CTNNA3: variants seen among roughly 807,000 people sequenced by gnomAD.
CTNNA3 encodes the protein catenin alpha-3.
Under a neutral mutation model 95.7 loss-of-function variants are expected in CTNNA3, and 76 were observed. The ratio of observed to expected loss-of-function variants is 0.79; its 90% CI spans 0.66 to 0.96. The LOEUF (loss-of-function observed/expected upper bound fraction) is 0.96. Ranked by LOEUF, CTNNA3 falls within the 40% of genes least tolerant of loss-of-function variation. CTNNA3 has a pLI of 0.00. For synonymous variants in CTNNA3, 431 were observed against 374.4 expected (o/e 1.15, Z -1.74); for missense variants, 1,191 against 1,089.8 (o/e 1.09, Z -1.31).
At chr10:67,508,604 T>C (rs182102941) in intron 5 of CTNNA3, among the ~76,000 whole-genome samples, 1 of 152,300 alleles carries the variant, frequency 6.6e-6, no homozygotes, top group Admixed American at 6.5e-5. Flanking sequence ...TTTCACAATT[T>C]TTTTAAATAT....
chr10:67,732,017 T>G (rs1589584124), intron 1 of CTNNA3, among the ~76,000 whole-genome samples: 1 of 151,976 alleles, frequency 6.6e-6, no homozygotes, highest in Middle Eastern at 3.4e-3. Context: ...CCTAACCTTA[T>G]GATCCACCCA....
At chr10:67,352,206 A>G (rs1842662366) in intron 5 of CTNNA3, among the ~76,000 whole-genome samples, 1 of 151,988 alleles carries the variant, frequency 6.6e-6, no homozygotes, top group Non-Finnish European at 1.5e-5. Context: ...TCTAACAAAA[A>G]GCACATCAAC....
chr10:67,213,588 C>T (rs1864229799), intron 6 of CTNNA3, among the ~76,000 whole-genome samples: 1 of 151,634 alleles, frequency 6.6e-6, no homozygotes, highest in Non-Finnish European at 1.5e-5. Context: ...GAGAAATTTC[C>T]TTCTATGTAC....
intron 15 of CTNNA3, among the ~76,000 whole-genome samples, chr10:66,033,470 T>G (rs1474000469): frequency 6.6e-6 from 1 of 152,104 alleles, no homozygotes; most frequent in Non-Finnish European, 1.5e-5. Flanking sequence ...AAACCTTTTT[T>G]TTAAAATGCA....
chr10:66,396,503 A>C (rs904632419), intron 11 of CTNNA3, among the ~76,000 whole-genome samples: 1 of 152,074 alleles, frequency 6.6e-6, no homozygotes, highest in Non-Finnish European at 1.5e-5. Context: ...ATCCACATGA[A>C]AGTGACACCT....
At chr10:66,210,785 T>C (rs945050632) in intron 13 of CTNNA3, among the ~76,000 whole-genome samples, 1 of 152,226 alleles carries the variant, frequency 6.6e-6, no homozygotes, top group African/African-American at 2.4e-5. Context: ...ATATAAAGTT[T>C]ACAAAATAAT....
intron 1 of CTNNA3, chr10:67,751,291 T>A: frequency 1.0e-6 from 1 of 985,562 alleles, no homozygotes; most frequent in Non-Finnish European, 1.6e-6. Flanking sequence ...AAGTGTGACA[T>A]CTCCACTCAA....
At chr10:67,378,736 T>C (rs1250707004) in intron 5 of CTNNA3, among the ~76,000 whole-genome samples, 2 of 152,186 alleles carry the variant, frequency 1.3e-5, no homozygotes, top group South Asian at 2.1e-4. Flanking sequence ...CAGGATTTCA[T>C]TCTTTTTATG....
intron 2 of CTNNA3, among the ~76,000 whole-genome samples, chr10:67,634,733 G>A (rs2059772191): frequency 6.6e-6 from 1 of 152,028 alleles, no homozygotes; most frequent in South Asian, 2.1e-4. Context: ...GACAAAGAAG[G>A]GCATTACATA....
rs1021669554 is a variant in CTNNA3, at chr10:67,656,880, A to G, written c.-5-9362T>C. ...CAGAAAGGTATGGAGGCTGCAGATC[A>G]TAAGAACTATTGCAGATGTTTGAGC... On this transcript the variant is annotated intron_variant, in intron 1 of 17. Transcript: ENST00000433211. Among the ~76,000 whole-genome samples the G allele has an allele frequency of 4.5e-4, 68 of 152,228 alleles. 4 individuals are homozygous for G. Among genetic ancestry groups the G allele is most frequent in the Non-Finnish European group, 7.3e-5 (5 of 68,044 alleles).
At chr10:67,740,559 T>G (rs992159090) in intron 1 of CTNNA3, among the ~76,000 whole-genome samples, 1 of 151,164 alleles carries the variant, frequency 6.6e-6, no homozygotes, top group African/African-American at 2.4e-5. Flanking sequence ...TATGAAAAAA[T>G]GCTCACCATC....
chr10:67,423,610 A>G (rs1451463591), intron 5 of CTNNA3, among the ~76,000 whole-genome samples: 1 of 152,182 alleles, frequency 6.6e-6, no homozygotes, highest in Admixed American at 6.6e-5. Context: ...GAACTAGAAT[A>G]TTCATTTTAT....
intron 1 of CTNNA3, among the ~76,000 whole-genome samples, chr10:67,651,515 T>C (rs979112040): frequency 2.4e-4 from 36 of 152,356 alleles, no homozygotes; most frequent in South Asian, 4.1e-4. Flanking sequence ...TAGAATTCCC[T>C]ATTAAGTCAT....
chr10:67,721,393 T>C (rs1383722401), intron 1 of CTNNA3, among the ~76,000 whole-genome samples: 1 of 152,122 alleles, frequency 6.6e-6, no homozygotes, highest in East Asian at 1.9e-4. Flanking sequence ...CTTCACGCTT[T>C]ATTTCATTAA....
Position 66,933,229 on chromosome 10 carries a change from G to A in CTNNA3, c.1048-157705C>T, listed in dbSNP as rs547284468. ...TACATCATTAGAAGTCTAGAACATC[G>A]TCTTTGACTTTCTGTTTTCACATAG... is the stretch of plus-strand genomic sequence containing the variant. On this transcript the variant is annotated intron_variant, in intron 7 of 17. Transcript: ENST00000433211. 5.9e-5 allele frequency among the ~76,000 whole-genome samples: 9 copies of A among 152,288 alleles called. No individual in the cohort carries two copies. In the South Asian group the frequency reaches 1.5e-3, roughly 25 times the overall value.
At chr10:67,555,002 T>C (rs1841183753) in intron 3 of CTNNA3, among the ~76,000 whole-genome samples, 2 of 152,224 alleles carry the variant, frequency 1.3e-5, no homozygotes, top group East Asian at 3.8e-4. Flanking sequence ...CACCATTTAT[T>C]GAATAGGGAA....
At chr10:66,399,685 G>T (rs1251070843) in intron 11 of CTNNA3, among the ~76,000 whole-genome samples, 1 of 151,858 alleles carries the variant, frequency 6.6e-6, no homozygotes, top group Non-Finnish European at 1.5e-5. Context: ...AAACATTGCT[G>T]TATAAGACCT....
At chr10:67,406,946 A>ATG (rs1845159526) in intron 5 of CTNNA3, among the ~76,000 whole-genome samples, 1 of 152,200 alleles carries the variant, frequency 6.6e-6, no homozygotes, top group Non-Finnish European at 1.5e-5. Context: ...AACCAAAAAA[A>ATG]GCCCATAACC....
chr10:66,699,919 A>C (rs928520390), intron 9 of CTNNA3, among the ~76,000 whole-genome samples: 1 of 151,962 alleles, frequency 6.6e-6, no homozygotes. Context: ...GGCCTCCCAA[A>C]GTGCTGGGAT....
Sources: gnomAD v4.1 joint callset for allele counts (sites outside exome capture counted in the v4.1 genomes callset) on GRCh38, gnomAD v4.1.1 for gene constraint, MANE v1.5 for transcripts, NCBI Gene and HGNC (gene_info 2026-07-23, HGNC 2026-07-21) for gene names.